Variants in RALGPS1 observed in about 807,000 individuals in gnomAD.
The protein encoded by RALGPS1 is Ral GEF with PH domain and SH3 binding motif 1.
A neutral mutation model predicts 78.8 loss-of-function variants in RALGPS1; 19 were observed. The ratio of observed to expected loss-of-function variants is 0.24; its 90% CI spans 0.17 to 0.35. The LOEUF (loss-of-function observed/expected upper bound fraction) is 0.35. Ranked by LOEUF, RALGPS1 falls within the 10% of genes least tolerant of loss-of-function variation. RALGPS1 has a pLI of 1.00. For missense variants in RALGPS1, 454 were observed against 688.3 expected, an observed-to-expected ratio of 0.66 and a Z score of 3.81; for synonymous variants, 228 against 256.3, an observed-to-expected ratio of 0.89 and a Z score of 1.06.
At chr9:127,108,255 C>T (rs747093396) in intron 8 of RALGPS1, 1 of 1,614,052 alleles carries the variant, frequency 6.2e-7, no homozygotes, top group Non-Finnish European at 8.5e-7. Flanking sequence ...GGATCCTGTT[C>T]TCCAGCTGGG....
At chr9:126,945,441 G>A (rs185290254) in intron 1 of RALGPS1, among the ~76,000 whole-genome samples, 3 of 152,094 alleles carry the variant, frequency 2.0e-5, no homozygotes, top group Admixed American at 6.5e-5. Flanking sequence ...TTCGTGATTT[G>A]CCTGCCTCAG....
At chr9:127,143,645 G>A (rs958286042) in intron 8 of RALGPS1, among the ~76,000 whole-genome samples, 2 of 152,034 alleles carry the variant, frequency 1.3e-5, no homozygotes, top group African/African-American at 4.8e-5. Context: ...AAATAGACTT[G>A]GTGACACCTC....
At chr9:127,208,914 G>A (rs151300227) in intron 14 of RALGPS1, among the ~76,000 whole-genome samples, 87 of 152,348 alleles carry the variant, frequency 5.7e-4, no homozygotes, top group African/African-American at 2.0e-3. Context: ...CTCAGGTACT[G>A]TGGGAATTCC....
intron 7 of RALGPS1, among the ~76,000 whole-genome samples, chr9:127,067,074 G>A (rs2049779735): frequency 6.6e-6 from 1 of 152,148 alleles, no homozygotes; most frequent in African/African-American, 2.4e-5. Flanking sequence ...CTTAATACTT[G>A]TGATTATGAA....
chr9:127,190,412 C>T (rs1302418530), intron 11 of RALGPS1, among the ~76,000 whole-genome samples: 1 of 152,176 alleles, frequency 6.6e-6, no homozygotes, highest in East Asian at 1.9e-4. Flanking sequence ...CAGCCTCCAC[C>T]TCCTGGGTTC....
chr9:126,982,925 CTTCTTTTTTTTTTTTTT>C (rs1239136014), intron 4 of RALGPS1, among the ~76,000 whole-genome samples: 1 of 54,574 alleles, frequency 1.8e-5, no homozygotes, highest in Non-Finnish European at 4.2e-5. Flanking sequence ...TCTTCTTCTT[CTTCTTTTTTTTTTTTTT>C]TTTTTTTTTT....
chr9:127,164,678 T>C (rs1473935431), intron 8 of RALGPS1, among the ~76,000 whole-genome samples: 3 of 151,450 alleles, frequency 2.0e-5, no homozygotes, highest in African/African-American at 4.9e-5. Flanking sequence ...TAGCTGAGAC[T>C]ACAGGTATGC....
intron 8 of RALGPS1, among the ~76,000 whole-genome samples, chr9:127,105,093 T>A (rs1384903024): frequency 6.6e-6 from 1 of 152,158 alleles, no homozygotes; most frequent in African/African-American, 2.4e-5. Flanking sequence ...GTCTACCCAT[T>A]CATCTTCCAC....
intron 1 of RALGPS1, among the ~76,000 whole-genome samples, chr9:126,936,220 C>G (rs2036245000): frequency 6.6e-6 from 1 of 152,192 alleles, no homozygotes; most frequent in African/African-American, 2.4e-5. Flanking sequence ...CAGGCAAAGA[C>G]AAGTGACATT....
chr9:126,979,270 T>G (rs10987532), intron 4 of RALGPS1, among the ~76,000 whole-genome samples: 8 of 146,384 alleles, frequency 5.5e-5, no homozygotes, highest in African/African-American at 2.0e-4. Flanking sequence ...TGTGTGTGTG[T>G]GTGTGCTTGT....
intron 3 of RALGPS1, among the ~76,000 whole-genome samples, chr9:126,975,083 A>G (rs1305562445): frequency 6.6e-6 from 1 of 152,124 alleles, no homozygotes; most frequent in African/African-American, 2.4e-5. Flanking sequence ...TGAAATCGAT[A>G]ATCTGATGAT....
At chr9:127,200,635 T>G (rs2061584092) in intron 14 of RALGPS1, among the ~76,000 whole-genome samples, 1 of 152,190 alleles carries the variant, frequency 6.6e-6, no homozygotes, top group Non-Finnish European at 1.5e-5. Context: ...TCAGAGGCTC[T>G]CTCTTTCCCC....
intron 1 of RALGPS1, among the ~76,000 whole-genome samples, chr9:126,946,798 C>G (rs1007238561): frequency 6.6e-6 from 1 of 152,064 alleles, no homozygotes; most frequent in Non-Finnish European, 1.5e-5. Flanking sequence ...TAAGCCCACC[C>G]CCACAAATAT....
rs1377194759 is a variant in RALGPS1, at chr9:127,183,928, C to T, written c.910+9146C>T. The T allele has an allele frequency of 6.4e-7, 1 of 1,550,464 alleles. No homozygotes were observed. The highest frequency in any genetic ancestry group is 2.0e-5 in the Admixed American group (1 of 50,988). ...CAGAAGAGGCAAGACTCAAACCCAC[C>T]TCTGGCCAACACCCTGCCTGGATGT... On this transcript the variant is annotated intron_variant, in intron 11 of 18. Coordinates refer to ENST00000259351, the MANE Select transcript of RALGPS1 (RefSeq NM_014636.3). The surrounding 1 kb of genome is among the most constrained non-coding windows in gnomAD (Gnocchi z 4.0).
chr9:126,930,096 T>G (rs1183820604), intron 1 of RALGPS1, among the ~76,000 whole-genome samples: 1 of 152,116 alleles, frequency 6.6e-6, no homozygotes, highest in Non-Finnish European at 1.5e-5. Context: ...CTTCTGAGAA[T>G]CTGGGATTAT....
intron 14 of RALGPS1, among the ~76,000 whole-genome samples, chr9:127,202,660 C>T (rs538799615): frequency 1.3e-5 from 2 of 152,274 alleles, no homozygotes; most frequent in Admixed American, 6.5e-5. Context: ...CTTCTGAGCC[C>T]CCAGGCTGCC....
chr9:126,939,456 A>T (rs140351625), intron 1 of RALGPS1, among the ~76,000 whole-genome samples: 20 of 152,346 alleles, frequency 1.3e-4, no homozygotes, highest in Non-Finnish European at 2.8e-4. Context: ...TTGCACAGAG[A>T]TGGCTTCAGT....
At chr9:127,032,470 G>A (rs1010161294) in intron 4 of RALGPS1, among the ~76,000 whole-genome samples, 5 of 152,330 alleles carry the variant, frequency 3.3e-5, no homozygotes, top group Admixed American at 1.3e-4. Context: ...GGCAACAACC[G>A]TGCCTCAGTC....
chr9:127,045,842 C>T (rs2047722973), intron 5 of RALGPS1, among the ~76,000 whole-genome samples: 1 of 151,648 alleles, frequency 6.6e-6, no homozygotes, highest in East Asian at 1.9e-4. Context: ...ACGATGATAC[C>T]CCAGTAGCAG....
Sources: allele counts gnomAD v4.1 joint callset (sites outside exome capture counted in the v4.1 genomes callset), GRCh38; gene constraint gnomAD v4.1.1; non-coding constraint Gnocchi (gnomAD v3.1); transcripts MANE v1.5; gene names NCBI Gene and HGNC (gene_info 2026-07-23, HGNC 2026-07-21).